MAP3K13: variants seen among roughly 807,000 people sequenced by gnomAD.
The protein encoded by MAP3K13 is leucine zipper-bearing kinase.
A neutral mutation model predicts 104.0 loss-of-function variants in MAP3K13; 52 were observed. That is an observed-to-expected ratio of 0.50 (90% CI 0.40 to 0.63). MAP3K13 has a LOEUF of 0.63. Ranked by LOEUF, MAP3K13 falls within the 20% of genes least tolerant of loss-of-function variation. MAP3K13 has a pLI of 0.00. For synonymous variants in MAP3K13, 394 were observed against 442.2 expected (o/e 0.89, Z 1.37); for missense variants, 914 against 1,218.5 (o/e 0.75, Z 3.72).
chr3:185,395,034 AAT>A (rs1712295110), intron 1 of MAP3K13, among the ~76,000 whole-genome samples: 2 of 152,184 alleles, frequency 1.3e-5, no homozygotes, highest in African/African-American at 4.8e-5. Flanking sequence ...TTTATATCAA[AAT>A]ATGTCTTTTT....
At chr3:185,462,676 G>A (rs1471645783) in intron 7 of MAP3K13, among the ~76,000 whole-genome samples, 2 of 152,204 alleles carry the variant, frequency 1.3e-5, no homozygotes, top group Non-Finnish European at 2.9e-5. Context: ...AGGAGGCTGA[G>A]GCAGGAGGAT....
Position 185,469,119 on chromosome 3 carries a change from C to T in MAP3K13, c.1643+2156C>T, listed in dbSNP as rs554227730. Among the ~76,000 whole-genome samples the T allele has an allele frequency of 2.0e-5, 3 of 152,226 alleles. No homozygotes were observed. The South Asian group carries it at 6.2e-4, about 32-fold the overall frequency. Reference sequence around the variant, plus strand: ...TTCCGTTTCAGATGATTTGGACAGTCCAATGATTACCTAGTGAGAAGTCTG... The same window carrying T: ...TTCCGTTTCAGATGATTTGGACAGTTCAATGATTACCTAGTGAGAAGTCTG... On this transcript the variant is annotated intron_variant, in intron 10 of 13. Transcript: ENST00000265026.
At position 185,488,858 on chromosome 3, in the gene MAP3K13, C is replaced by T. The variant is rs913596273; in HGVS notation, c.*6402C>T. The stretch of plus-strand genomic sequence containing the variant: ...CTGGAAGTGGGAAGACCCTCTTTGA[C>T]GCTTTATTACAGTAATTTGAGCTCC... On this transcript the variant is annotated 3_prime_UTR_variant, in exon 14 of 14. Transcript: ENST00000265026. 30 of 152,198 alleles carry T rather than the reference C, an allele frequency of 2.0e-4. No individual in the cohort carries two copies. The highest frequency in any genetic ancestry group is 5.9e-4 in the Admixed American group (9 of 15,288). 9.4% of individuals were successfully genotyped at this position (152,198 alleles called of 1,614,324 possible). A position where few individuals can be genotyped will look rare whatever the true frequency, so the allele number is the denominator to read the frequency against.
intron 1 of MAP3K13, among the ~76,000 whole-genome samples, chr3:185,422,158 T>A (rs889219364): frequency 6.6e-6 from 1 of 152,198 alleles, no homozygotes; most frequent in South Asian, 2.1e-4. Flanking sequence ...TTGGGAATAG[T>A]TTTAGTGCAT....
intron 1 of MAP3K13, among the ~76,000 whole-genome samples, chr3:185,374,479 G>C (rs999267301): frequency 3.3e-5 from 5 of 152,142 alleles, no homozygotes; most frequent in African/African-American, 1.2e-4. Context: ...AATGATTGCT[G>C]ATGGCCTGGA....
At chr3:185,361,990 G>C (rs1723646450), upstream of MAP3K13, among the ~76,000 whole-genome samples, 1 of 152,162 alleles carries the variant, frequency 6.6e-6, no homozygotes, top group Non-Finnish European at 1.5e-5. Context: ...ACTTACTAGT[G>C]GTCAGGTTTA....
chr3:185,472,895 A>C, intron 10 of MAP3K13, 80 bp from the exon 11 acceptor site: 11 of 1,306,236 alleles, frequency 8.4e-6, no homozygotes, highest in Non-Finnish European at 1.2e-5. Flanking sequence ...GGCTCTGTGT[A>C]TTTTAAGTCT....
At chr3:185,424,893 C>T (rs1197661584) in intron 1 of MAP3K13, among the ~76,000 whole-genome samples, 1 of 152,134 alleles carries the variant, frequency 6.6e-6, no homozygotes, top group Non-Finnish European at 1.5e-5. Context: ...GGCACAAACA[C>T]AGCTCACTGC....
chr3:185,429,116 G>A (rs894048945), intron 2 of MAP3K13, 60 bp downstream of exon 2: 118 of 1,479,650 alleles, frequency 8.0e-5, no homozygotes, highest in South Asian at 3.8e-4. Context: ...CACCACCACC[G>A]TCACCACCAT....
In MAP3K13 at chr3:185,473,055, T is replaced by C; in HGVS notation, c.1724T>C (p.Met575Thr). ...TCCCCTTTGTCCGGAAGTCCCAAAA[T>C]GTCCACTTCTAGCAGCAAGAGCCGA... ...TASPLSGSPK[M>T]STSSSKSRYR... The change falls in exon 11 of 14, where the codon ATG becomes ACG. Residue 575 changes from methionine (M) to threonine (T), a missense_variant. This residue lies in a region of MAP3K13 where 583 missense variants were observed against 737.4 expected (regional missense o/e 0.79). Coordinates refer to ENST00000265026, the MANE Select transcript of MAP3K13 (RefSeq NM_004721.5). The surrounding 1 kb of genome is among the most constrained non-coding windows in gnomAD (Gnocchi z 4.9). The C allele has an allele frequency of 6.2e-7, 1 of 1,614,116 alleles. No homozygotes were observed. The highest frequency in any genetic ancestry group is 1.1e-5 in the South Asian group (1 of 91,082).
chr3:185,339,003 G>C (rs1301806463), intron 2 of MAP3K13, among the ~76,000 whole-genome samples: 1 of 152,156 alleles, frequency 6.6e-6, no homozygotes, highest in Non-Finnish European at 1.5e-5. Context: ...GGTATAATAA[G>C]TGTAATAAGT....
At chr3:185,396,263 C>T (rs763742900) in intron 1 of MAP3K13, among the ~76,000 whole-genome samples, 62 of 151,866 alleles carry the variant, frequency 4.1e-4, no homozygotes, top group Non-Finnish European at 5.0e-4. Flanking sequence ...CCCAGCTAGT[C>T]AGGAGGCTAA....
chr3:185,426,673 A>C (rs1274573305), intron 1 of MAP3K13, among the ~76,000 whole-genome samples: 1 of 151,706 alleles, frequency 6.6e-6, no homozygotes, highest in African/African-American at 2.4e-5. Context: ...GCCACTTTGG[A>C]TTTCTCATCT....
intron 2 of MAP3K13, among the ~76,000 whole-genome samples, chr3:185,286,142 TTTC>T (rs1482723817): frequency 6.6e-6 from 1 of 152,080 alleles, no homozygotes; most frequent in Non-Finnish European, 1.5e-5. Flanking sequence ...TTATTTTTTC[TTTC>T]TTCTTCTTTT....
upstream of MAP3K13, among the ~76,000 whole-genome samples, chr3:185,360,818 CTT>C (rs532196266): frequency 5.7e-3 from 443 of 77,932 alleles, 1 homozygote; most frequent in Middle Eastern, 0.017. Flanking sequence ...ACAGCTTTAG[CTT>C]TTTTTTTTTT....
At chr3:185,383,733 C>T (rs1351715077) in intron 1 of MAP3K13, among the ~76,000 whole-genome samples, 2 of 152,132 alleles carry the variant, frequency 1.3e-5, no homozygotes, top group African/African-American at 4.8e-5. Context: ...ATCAAATAAA[C>T]CTTTTTTCTT....
intron 1 of MAP3K13, among the ~76,000 whole-genome samples, chr3:185,392,138 CATT>C (rs1051785027): frequency 7.9e-5 from 12 of 152,136 alleles, no homozygotes; most frequent in Admixed American, 7.9e-4. Context: ...TTATGAAAGA[CATT>C]ATATATTGGA....
At chr3:185,398,112 A>G (rs1404845939) in intron 1 of MAP3K13, among the ~76,000 whole-genome samples, 2 of 152,092 alleles carry the variant, frequency 1.3e-5, no homozygotes, top group African/African-American at 4.8e-5. Context: ...GTTTTGAGGT[A>G]TTGGACAGAC....
chr3:185,310,185 G>A (rs541425348), intron 2 of MAP3K13, among the ~76,000 whole-genome samples: 40 of 152,280 alleles, frequency 2.6e-4, no homozygotes, highest in African/African-American at 9.6e-4. Context: ...TGCACAGAAG[G>A]TAACTACAGC....
Sources: gnomAD v4.1 joint callset for allele counts (sites outside exome capture counted in the v4.1 genomes callset) on GRCh38, gnomAD v4.1.1 for gene constraint, gnomAD v4.1.1 regional missense constraint, Gnocchi (gnomAD v3.1) non-coding constraint, MANE v1.5 for transcripts, NCBI Gene and HGNC (gene_info 2026-07-23, HGNC 2026-07-21) for gene names.